Variants in NTPCR observed in about 807,000 individuals in gnomAD.
The protein encoded by NTPCR is cancer-related nucleoside-triphosphatase.
Under a neutral mutation model 19.5 loss-of-function variants are expected in NTPCR, and 15 were observed. The observed-to-expected ratio is 0.77, with a 90% CI of 0.51 to 1.18. The LOEUF is 1.18. NTPCR is among the 50% of genes most tolerant of loss of function. The pLI is 0.00. For missense variants in NTPCR, 206 were observed against 240.4 expected (o/e 0.86, Z 0.95); for synonymous variants, 90 against 95.8 (o/e 0.94, Z 0.36).
intron 1 of NTPCR, among the ~76,000 whole-genome samples, chr1:232,951,320 G>A (rs1668360194): frequency 6.6e-6 from 1 of 151,966 alleles, no homozygotes; most frequent in Non-Finnish European, 1.5e-5. Flanking sequence ...AGAAGCTTTG[G>A]TACCTACAGG....
chr1:232,959,857 A>C (rs1668620097), intron 3 of NTPCR, among the ~76,000 whole-genome samples: 1 of 152,084 alleles, frequency 6.6e-6, no homozygotes, highest in South Asian at 2.1e-4. Flanking sequence ...AAAAATAAGA[A>C]AAAAGTACTT....
At chr1:232,952,920 C>G (rs1318712953) in intron 1 of NTPCR, among the ~76,000 whole-genome samples, 1 of 152,128 alleles carries the variant, frequency 6.6e-6, no homozygotes, top group Non-Finnish European at 1.5e-5. Context: ...CCCTGGAGCC[C>G]ACTTGGCCTG....
chr1:232,967,031 G>A (rs1668838139), intron 3 of NTPCR: 1 of 152,192 alleles, frequency 6.6e-6, no homozygotes, highest in Non-Finnish European at 1.5e-5. Context: ...GAGCTCATTA[G>A]GACTCTCCTC....
chr1:232,950,824 G>A (rs1450499366), intron 1 of NTPCR, 80 bp downstream of exon 1: 4 of 953,772 alleles, frequency 4.2e-6, no homozygotes, highest in Non-Finnish European at 6.2e-6. Flanking sequence ...GTGCTGTCGG[G>A]GAGGGTCTCC....
intron 2 of NTPCR, among the ~76,000 whole-genome samples, chr1:232,956,140 A>AT (rs1429362649): frequency 2.0e-5 from 3 of 152,120 alleles, no homozygotes; most frequent in African/African-American, 7.2e-5. Flanking sequence ...TGCAAGGCCC[A>AT]TTGTTGGAGG....
chr1:232,961,986 A>G (rs1431047742), intron 3 of NTPCR: 1 of 152,136 alleles, frequency 6.6e-6, no homozygotes, highest in Non-Finnish European at 1.5e-5. Flanking sequence ...TACCATGGTA[A>G]TCGTTTTTAT....
intron 3 of NTPCR, chr1:232,964,176 T>C (rs148897284): frequency 7.9e-5 from 12 of 152,346 alleles, no homozygotes; most frequent in African/African-American, 2.6e-4. Flanking sequence ...ACAGTCATTC[T>C]TTGTCTTCCA....
At chr1:232,964,263 C>T (rs1668751894) in intron 3 of NTPCR, 1 of 152,164 alleles carries the variant, frequency 6.6e-6, no homozygotes, top group Non-Finnish European at 1.5e-5. Flanking sequence ...GATGTTTCCT[C>T]ATGACCAAAT....
Position 232,950,709 on chromosome 1 carries a change from G to T in NTPCR, c.-2G>T. The stretch of plus-strand genomic sequence containing the variant: ...CCGCAACCCCTACCCCCGCCCACCA[G>T]TATGGCCCGGCACGTGTTCCTAACG... On this transcript the variant is annotated 5_prime_UTR_variant, in exon 1 of 5. Coordinates refer to ENST00000366628, the MANE Select transcript of NTPCR (RefSeq NM_032324.3). 6.2e-7 allele frequency: 1 copy of T among 1,606,526 alleles called. No individual in the cohort carries two copies. Among genetic ancestry groups the T allele is most frequent in the Non-Finnish European group, 8.5e-7 (1 of 1,175,442 alleles).
intron 3 of NTPCR, among the ~76,000 whole-genome samples, chr1:232,960,092 G>A (rs764545104): frequency 1.5e-4 from 23 of 151,330 alleles, no homozygotes; most frequent in Admixed American, 4.6e-4. Flanking sequence ...GCACATGCCC[G>A]TGTCCCAGGT....
At chr1:232,958,755 C>T (rs1447006305) in intron 3 of NTPCR, among the ~76,000 whole-genome samples, 1 of 152,162 alleles carries the variant, frequency 6.6e-6, no homozygotes, top group East Asian at 1.9e-4. Flanking sequence ...ACATACATTC[C>T]TCTCTACTTA....
At chr1:232,965,367 G>A (rs1164300801) in intron 3 of NTPCR, 1 of 152,236 alleles carries the variant, frequency 6.6e-6, no homozygotes. Flanking sequence ...TGCTCTCAGT[G>A]AGTTTTGAGT....
At chr1:232,955,755 T>G in intron 2 of NTPCR, 36 bp downstream of exon 2, 3 of 1,593,140 alleles carry the variant, frequency 1.9e-6, no homozygotes, top group Non-Finnish European at 2.6e-6. Context: ...TTCTATTATC[T>G]AAGCTCCCCT....
At chr1:232,956,551 A>T (rs1201128696) in intron 3 of NTPCR, 108 bp downstream of exon 3, 1 of 718,582 alleles carries the variant, frequency 1.4e-6, no homozygotes, top group East Asian at 2.7e-5. Context: ...CCAGTTTTGC[A>T]TTTTACAATT....
chr1:232,975,637 G>C (rs1446816356), intron 4 of NTPCR, among the ~76,000 whole-genome samples: 2 of 152,158 alleles, frequency 1.3e-5, no homozygotes, highest in East Asian at 3.8e-4. Flanking sequence ...CTGACCCCAT[G>C]GTGCTCACAG....
intron 3 of NTPCR, chr1:232,968,993 T>G (rs1268667548): frequency 6.6e-6 from 1 of 152,178 alleles, no homozygotes; most frequent in African/African-American, 2.4e-5. Context: ...TATCTCAAAA[T>G]TTAGCAGCTT....
chr1:232,961,017 T>C (rs557753557), intron 3 of NTPCR, among the ~76,000 whole-genome samples: 1 of 152,300 alleles, frequency 6.6e-6, no homozygotes, highest in East Asian at 1.9e-4. Flanking sequence ...TCAGGGAAAA[T>C]GTTATGTATA....
chr1:232,975,687 G>A (rs1402301154), intron 4 of NTPCR, among the ~76,000 whole-genome samples: 1 of 152,040 alleles, frequency 6.6e-6, no homozygotes, highest in Non-Finnish European at 1.5e-5. Flanking sequence ...CTTACCAAGG[G>A]CCCCCCTACA....
Position 232,969,642 on chromosome 1 carries a change from C to T in NTPCR, c.295-267C>T, listed in dbSNP as rs1047697462. ...TCATGACTTTATTCCAATTTATGTCCGTTACTTCCTTGAACATCCCACTGG... is the reference window on the plus strand; with the variant it reads ...TCATGACTTTATTCCAATTTATGTCTGTTACTTCCTTGAACATCCCACTGG... On this transcript the variant is annotated intron_variant, in intron 3 of 4. Coordinates refer to ENST00000366628, the MANE Select transcript of NTPCR (RefSeq NM_032324.3). The T allele has an allele frequency of 1.4e-5, 5 of 350,224 alleles. No homozygotes were observed. The East Asian group carries it at 1.4e-4, about 10-fold the overall frequency. 21.7% of individuals were successfully genotyped at this position (350,224 alleles called of 1,614,324 possible). A position where few individuals can be genotyped will look rare whatever the true frequency, so the allele number is the denominator to read the frequency against.
Sources: allele counts gnomAD v4.1 joint callset (sites outside exome capture counted in the v4.1 genomes callset), GRCh38; gene constraint gnomAD v4.1.1; transcripts MANE v1.5; gene names NCBI Gene and HGNC (gene_info 2026-07-23, HGNC 2026-07-21).